Variants in CDC14B observed in about 807,000 individuals in gnomAD.
CDC14B encodes the protein dual specificity protein phosphatase CDC14B.
Under a neutral mutation model 64.2 loss-of-function variants are expected in CDC14B, and 22 were observed. The observed-to-expected ratio is 0.34, with a 90% confidence interval of 0.24 to 0.49. CDC14B has a LOEUF of 0.49. Among genes scored for constraint, CDC14B ranks in the 20% least tolerant of loss-of-function variants. The pLI is 0.99. For missense variants in CDC14B, 498 were observed against 629.9 expected (o/e 0.79, Z 2.24); for synonymous variants, 191 against 215.8 (o/e 0.89, Z 1.01).
intron 4 of CDC14B, among the ~76,000 whole-genome samples, chr9:96,555,113 C>T (rs1842330512): frequency 6.6e-6 from 1 of 152,196 alleles, no homozygotes; most frequent in Admixed American, 6.5e-5. Context: ...GCTTCCCAGG[C>T]AACCCCAAAG....
At chr9:96,505,099 T>G (rs1334513512) in intron 13 of CDC14B, among the ~76,000 whole-genome samples, 3 of 151,716 alleles carry the variant, frequency 2.0e-5, no homozygotes, top group Non-Finnish European at 4.4e-5. Context: ...GAGAATCACT[T>G]CAACCTGGGA....
Position 96,522,532 on chromosome 9 carries a change from T to C in CDC14B, c.1317A>G (p.Gln439=). The change falls in exon 12 of 14, where the codon CAA becomes CAG. Residue 439 remains glutamine, a synonymous_variant. Transcript: ENST00000375241. ...DRLRALKSRR[Q]SKTNAIPLTV... is the part of the protein sequence containing the mutation. ...TGAGAGGAATAGCGTTTGTTTTGGA[T>C]TGTCTTCTGCTTTTCAAGGCCCGAA... 1 of 1,613,094 alleles carries C rather than the reference T, an allele frequency of 6.2e-7. No individual in the cohort carries two copies. Among genetic ancestry groups the C allele is most frequent in the South Asian group, 1.1e-5 (1 of 91,062 alleles).
intron 4 of CDC14B, among the ~76,000 whole-genome samples, chr9:96,553,936 C>CTTTGGG (rs1388625048): frequency 6.6e-6 from 1 of 152,052 alleles, no homozygotes; most frequent in Non-Finnish European, 1.5e-5. Context: ...GAGGCCATCA[C>CTTTGGG]AGGCAGATCA....
chr9:96,606,688 T>C (rs1369015759), intron 1 of CDC14B, among the ~76,000 whole-genome samples: 1 of 151,824 alleles, frequency 6.6e-6, no homozygotes, highest in South Asian at 2.1e-4. Flanking sequence ...TGCCTCAGCC[T>C]CCCAAGGAGC....
At chr9:96,600,450 T>G (rs1037814314) in intron 1 of CDC14B, among the ~76,000 whole-genome samples, 1 of 151,856 alleles carries the variant, frequency 6.6e-6, no homozygotes, top group Non-Finnish European at 1.5e-5. Context: ...AAAAAGTTAT[T>G]ACACTTTTGT....
At chr9:96,571,949 G>T (rs1489575662) in intron 1 of CDC14B, among the ~76,000 whole-genome samples, 1 of 151,778 alleles carries the variant, frequency 6.6e-6, no homozygotes, top group South Asian at 2.1e-4. Flanking sequence ...TACCCTTTTT[G>T]TCCAATCATA....
At chr9:96,494,330 T>C (rs1208433963) in intron 13 of CDC14B, among the ~76,000 whole-genome samples, 2 of 152,232 alleles carry the variant, frequency 1.3e-5, no homozygotes, top group Admixed American at 6.5e-5. Flanking sequence ...CATGGAGTGT[T>C]TGCCTCTGTG....
chr9:96,563,652 C>T (rs1476065818), intron 3 of CDC14B, among the ~76,000 whole-genome samples: 2 of 116,566 alleles, frequency 1.7e-5, no homozygotes, highest in African/African-American at 6.5e-5. Flanking sequence ...CTCTGTCTCA[C>T]GGGAAAAAAA....
chr9:96,564,627 T>C (rs561781408), intron 3 of CDC14B, 150 bp downstream of exon 3: 2 of 521,754 alleles, frequency 3.8e-6, no homozygotes, highest in South Asian at 5.6e-5. Context: ...TACACTATGA[T>C]CTTATAAAAC....
At chr9:96,572,061 G>A (rs73654902) in intron 1 of CDC14B, among the ~76,000 whole-genome samples, 7,248 of 152,188 alleles carry the variant, frequency 0.048, 586 homozygotes, top group African/African-American at 0.17. Context: ...GCTGAACCAC[G>A]GAGGCTGACA....
chr9:96,537,983 G>A (rs1031811769), intron 7 of CDC14B, among the ~76,000 whole-genome samples: 1 of 152,136 alleles, frequency 6.6e-6, no homozygotes, highest in Non-Finnish European at 1.5e-5. Flanking sequence ...GCCTCCCAAA[G>A]TGCTAGGATT....
chr9:96,561,723 A>C (rs1293783664), intron 4 of CDC14B, among the ~76,000 whole-genome samples: 1 of 150,778 alleles, frequency 6.6e-6, no homozygotes, highest in Non-Finnish European at 1.5e-5. Flanking sequence ...TCCTGACCTC[A>C]TGATCTGCCC....
At chr9:96,600,918 T>C (rs1254031728) in intron 1 of CDC14B, among the ~76,000 whole-genome samples, 1 of 152,138 alleles carries the variant, frequency 6.6e-6, no homozygotes, top group Non-Finnish European at 1.5e-5. Context: ...TTTATGTACA[T>C]TTTTCTCAGT....
intron 4 of CDC14B, among the ~76,000 whole-genome samples, chr9:96,553,930 C>T (rs1349317965): frequency 6.6e-6 from 1 of 151,972 alleles, no homozygotes; most frequent in Non-Finnish European, 1.5e-5. Context: ...CTTTGGGAGG[C>T]CATCACAGGC....
At chr9:96,609,487 A>G (rs1480531661) in intron 1 of CDC14B, among the ~76,000 whole-genome samples, 1 of 152,194 alleles carries the variant, frequency 6.6e-6, no homozygotes, top group African/African-American at 2.4e-5. Context: ...CCATTCTTTA[A>G]TAACACTTGG....
chr9:96,597,411 T>C (rs1846155382), intron 1 of CDC14B, among the ~76,000 whole-genome samples: 1 of 151,810 alleles, frequency 6.6e-6, no homozygotes, highest in South Asian at 2.1e-4. Flanking sequence ...GGAGAAACGC[T>C]TGAACCCAGG....
At chr9:96,542,085 A>G (rs1030150012) in intron 5 of CDC14B, among the ~76,000 whole-genome samples, 193 bp from the exon 6 acceptor site, 2 of 152,220 alleles carry the variant, frequency 1.3e-5, no homozygotes, top group Non-Finnish European at 2.9e-5. Flanking sequence ...ACCTATTCCA[A>G]TAGGTACTGT....
rs57056796 is a variant in CDC14B, at chr9:96,574,697, C to CAAAAA, written c.161-9219_161-9215dup. ...GCAACAAGAGCGAAACTCGGTCTCA[C>CAAAAA]AAAAAAAAAAAAAAAAAAAAAAGAT... On this transcript the variant is annotated intron_variant, in intron 1 of 13. Transcript: ENST00000375241. Among the ~76,000 whole-genome samples the CAAAAA allele has an allele frequency of 1.8e-4, 9 of 49,878 alleles. 1 individual carries two copies. Among genetic ancestry groups the CAAAAA allele is most frequent in the African/African-American group, 6.7e-4 (8 of 11,922 alleles). 32.7% of individuals were successfully genotyped at this position (49,878 alleles called of 152,430 possible). A position where few individuals can be genotyped will look rare whatever the true frequency, so the allele number is the denominator to read the frequency against.
chr9:96,566,810 G>C (rs751724790), intron 1 of CDC14B: 4 of 1,606,246 alleles, frequency 2.5e-6, no homozygotes, highest in Non-Finnish European at 2.5e-6. Context: ...GCGCCCTCCC[G>C]GCTCATGACT....
Sources: allele counts gnomAD v4.1 joint callset (sites outside exome capture counted in the v4.1 genomes callset), GRCh38; gene constraint gnomAD v4.1.1; transcripts MANE v1.5; gene names NCBI Gene and HGNC (gene_info 2026-07-23, HGNC 2026-07-21).